The following SLC39A12 variants were observed in gnomAD, a reference collection of about 807,000 sequenced individuals.
The protein encoded by SLC39A12 is zinc transporter ZIP12.
In SLC39A12, 63 loss-of-function variants were observed where a neutral mutation model predicts 71.1. The ratio of observed to expected loss-of-function variants is 0.89; its 90% confidence interval spans 0.72 to 1.09. SLC39A12 has a LOEUF of 1.09. Among genes scored for constraint, SLC39A12 ranks in the 50% least tolerant of loss-of-function variants. The probability of loss-of-function intolerance (pLI) is 0.00; values close to 1 mark genes in which losing one functional copy is unlikely to be tolerated. For missense variants in SLC39A12, 892 were observed against 812.6 expected (o/e 1.10, Z -1.19); for synonymous variants, 351 against 301.3 (o/e 1.16, Z -1.71).
chr10:17,972,961 A>G (rs1297703847), intron 4 of SLC39A12, among the ~76,000 whole-genome samples: 2 of 151,350 alleles, frequency 1.3e-5, no homozygotes, highest in African/African-American at 2.4e-5. Context: ...TGGTGTTATG[A>G]TTTAGTTTCT....
chr10:17,969,200 A>C (rs1379504762), intron 4 of SLC39A12, among the ~76,000 whole-genome samples: 1 of 152,178 alleles, frequency 6.6e-6, no homozygotes, highest in Non-Finnish European at 1.5e-5. Context: ...ATTGATAGAC[A>C]CTTAGGTTGC....
At chr10:18,033,463 G>A (rs927431101) in intron 12 of SLC39A12, among the ~76,000 whole-genome samples, 16 of 150,374 alleles carry the variant, frequency 1.1e-4, no homozygotes, top group African/African-American at 3.4e-4. Context: ...ATCCTCTGAC[G>A]GTAGTTTGTA....
Position 17,987,550 on chromosome 10 carries a change from T to C in SLC39A12, c.1168T>C (p.Phe390Leu). 1 of 1,614,126 alleles carries C rather than the reference T, an allele frequency of 6.2e-7. No homozygotes were observed. Among genetic ancestry groups the C allele is most frequent in the South Asian group, 1.1e-5 (1 of 91,074 alleles). Residue 390 changes from phenylalanine to leucine, a missense_variant, in exon 7 of 13, where the codon TTC becomes CTC. Transcript: ENST00000377369. The part of the protein sequence containing the change: ...GSMLGTALVL[F>L]HSCEENYRLI... The stretch of plus-strand genomic sequence containing the variant: ...CATGCTGGGGACAGCGCTGGTCCTT[T>C]TCCATAGCTGTGAGGAGAACTACAG...
chr10:17,977,800 G>A, intron 4 of SLC39A12, 102 bp from the exon 5 acceptor site: 3 of 904,330 alleles, frequency 3.3e-6, no homozygotes, highest in Non-Finnish European at 4.6e-6. Flanking sequence ...AAAATGATAA[G>A]AATTCTTTGT....
At chr10:18,034,223 G>A (rs1407487235) in intron 12 of SLC39A12, among the ~76,000 whole-genome samples, 1 of 150,468 alleles carries the variant, frequency 6.6e-6, no homozygotes, top group Non-Finnish European at 1.5e-5. Context: ...TTTCTGTCTC[G>A]TTGATCTGTC....
At position 17,965,392 on chromosome 10, in the gene SLC39A12, C is replaced by T. The variant is rs191020244; in HGVS notation, c.544-91C>T. 19 of 1,143,866 alleles carry T rather than the reference C, an allele frequency of 1.7e-5. 1 individual carries two copies. The African/African-American group carries it at 1.9e-4, about 11-fold the overall frequency. 70.9% of individuals were successfully genotyped at this position (1,143,866 alleles called of 1,614,324 possible). The stretch of plus-strand genomic sequence containing the variant: ...TCAATTTTCTTTTAGAAAAACAATT[C>T]CTTATCCCTTTAGGGGGAAATTTCA... On this transcript the variant is annotated intron_variant, in intron 3 of 12. Transcript: ENST00000377369.
At chr10:18,016,668 A>T (rs1836394189) in intron 12 of SLC39A12, among the ~76,000 whole-genome samples, 1 of 152,208 alleles carries the variant, frequency 6.6e-6, no homozygotes, top group East Asian at 1.9e-4. Context: ...TCAGCAATGA[A>T]TGAGAGTTCC....
At position 18,041,744 on chromosome 10, in the gene SLC39A12, CATGTATAT is replaced by C. The variant is rs1199172015; in HGVS notation, c.1948-956_1948-949del. 4.9e-5 allele frequency among the ~76,000 whole-genome samples: 5 copies of C among 101,500 alleles called. No individual in the cohort carries two copies. The Admixed American group carries it at 5.1e-4, about 10-fold the overall frequency. 66.6% of individuals were successfully genotyped at this position (101,500 alleles called of 152,430 possible). On this transcript the variant is annotated intron_variant, in intron 12 of 12. Transcript: ENST00000377369. Reference sequence around the variant, plus strand: ...GTATATATGTGTATATATGTATATACATGTATATATGTGTATACATATGTATACATATG... The same window carrying C: ...GTATATATGTGTATATATGTATATACATGTGTATACATATGTATACATATG...
rs116535521 is a variant in SLC39A12, at chr10:18,026,665, T to C, written c.1948-16040T>C. On this transcript the variant is annotated intron_variant, in intron 12 of 12. Transcript: ENST00000377369. ...TCTTTCTAATATGTTATGCCTTTTG[T>C]AGTTGTCCCATAGTTCTTGGATATT... Among the ~76,000 whole-genome samples, 65 of 152,220 alleles carry C rather than the reference T, an allele frequency of 4.3e-4. 1 individual carries two copies. Among genetic ancestry groups the C allele is most frequent in the African/African-American group, 1.5e-3 (64 of 41,572 alleles).
Position 17,991,245 on chromosome 10 carries a change from T to A in SLC39A12, c.1364T>A (p.Ile455Asn), listed in dbSNP as rs753594131. Reference protein sequence around the residue: ...IWKLMGLIGGIHGFFLIEKCF... With the variant: ...IWKLMGLIGGNHGFFLIEKCF... ...AAACTGATGGGATTAATTGGAGGCA[T>A]CCATGGATTTTTCTTGATAGAAAAA... Residue 455 changes from isoleucine (I) to asparagine (N), a missense_variant, in exon 8 of 13, where the codon ATC becomes AAC. Ile to Asn is a moderately radical substitution (Grantham distance 149, BLOSUM62 -3). Coordinates refer to ENST00000377369, the MANE Select transcript of SLC39A12 (RefSeq NM_001145195.2). 3.1e-6 allele frequency: 5 copies of A among 1,598,550 alleles called. No homozygotes were observed.
intron 2 of SLC39A12, among the ~76,000 whole-genome samples, chr10:17,958,763 GTA>G (rs1170411774): frequency 1.3e-5 from 2 of 152,092 alleles, no homozygotes; most frequent in East Asian, 3.9e-4. Flanking sequence ...CTTGCATACC[GTA>G]CACAAATGTA....
intron 12 of SLC39A12, among the ~76,000 whole-genome samples, chr10:18,010,258 T>A (rs1396763432): frequency 6.6e-6 from 1 of 152,218 alleles, no homozygotes; most frequent in Non-Finnish European, 1.5e-5. Flanking sequence ...TCTTTGAAGT[T>A]TGGCAATACC....
At chr10:17,998,017 C>G (rs1835733229) in intron 10 of SLC39A12, among the ~76,000 whole-genome samples, 1 of 151,924 alleles carries the variant, frequency 6.6e-6, no homozygotes, top group Admixed American at 6.6e-5. Flanking sequence ...TTTTTGTTTT[C>G]AGATGGAAAC....
At chr10:18,002,513 A>G (rs1227269510) in intron 11 of SLC39A12, 1 of 152,192 alleles carries the variant, frequency 6.6e-6, no homozygotes, top group African/African-American at 2.4e-5. Flanking sequence ...CATGGGAACA[A>G]TTATGCAATG....
chr10:18,028,693 G>T (rs1345716104), intron 12 of SLC39A12, among the ~76,000 whole-genome samples: 1 of 152,070 alleles, frequency 6.6e-6, no homozygotes, highest in African/African-American at 2.4e-5. Context: ...AGGTTATAGG[G>T]ATTGACTCAA....
At chr10:17,996,018 C>G (rs927326828) in intron 10 of SLC39A12, among the ~76,000 whole-genome samples, 1 of 152,138 alleles carries the variant, frequency 6.6e-6, no homozygotes, top group African/African-American at 2.4e-5. Flanking sequence ...TATCATAGCT[C>G]ATTTCTAAAC....
At chr10:18,030,999 A>T (rs1390734706) in intron 12 of SLC39A12, among the ~76,000 whole-genome samples, 1 of 151,858 alleles carries the variant, frequency 6.6e-6, no homozygotes, top group Non-Finnish European at 1.5e-5. Flanking sequence ...ATGGCTGCAT[A>T]GTATTCCATG....
chr10:17,991,333 CTTTAAAGT>C, intron 8 of SLC39A12, 30 bp downstream of exon 8: 1 of 1,520,638 alleles, frequency 6.6e-7, no homozygotes, highest in African/African-American at 1.4e-5. Flanking sequence ...TTGTCTTGTG[CTTTAAAGT>C]CTTATAATAC....
Position 17,987,606 on chromosome 10 carries a change from C to A in SLC39A12, c.1224C>A (p.Ala408=). The A allele has an allele frequency of 2.5e-6, 4 of 1,614,120 alleles. No individual in the cohort carries two copies. The highest frequency in any genetic ancestry group is 3.4e-6 in the Non-Finnish European group (4 of 1,180,030). Residue 408 remains alanine (A), a synonymous_variant, in exon 7 of 13, where the codon GCC becomes GCA. Coordinates refer to ENST00000377369, the MANE Select transcript of SLC39A12 (RefSeq NM_001145195.2). The part of the protein sequence containing the change: ...RLILQLFVGL[A]VGTLSGDALL... ...TCTTACAGCTGTTTGTGGGCTTGGCCGTCGGGACACTGTCTGGGGACGCTC... is the reference window on the plus strand; with the variant it reads ...TCTTACAGCTGTTTGTGGGCTTGGCAGTCGGGACACTGTCTGGGGACGCTC...
Sources: allele counts gnomAD v4.1 joint callset (sites outside exome capture counted in the v4.1 genomes callset), GRCh38; gene constraint gnomAD v4.1.1; transcripts MANE v1.5; gene names NCBI Gene and HGNC (gene_info 2026-07-23, HGNC 2026-07-21).